Variants in NMNAT3 observed in about 807,000 individuals in gnomAD.
NMNAT3 encodes nicotinamide nucleotide adenylyltransferase 3.
A neutral mutation model predicts 24.8 loss-of-function variants in NMNAT3; 21 were observed. The ratio of observed to expected loss-of-function variants is 0.85; its 90% CI spans 0.60 to 1.22. The LOEUF (loss-of-function observed/expected upper bound fraction) is 1.22, where lower values mean the gene tolerates loss of function less well. NMNAT3 is among the 50% of genes most tolerant of loss of function. The pLI is 0.00. For missense variants in NMNAT3, 387 were observed against 436.6 expected (o/e 0.89, Z 1.01); for synonymous variants, 136 against 155.2 (o/e 0.88, Z 0.92).
At chr3:139,632,174 A>G (rs1311848131) in intron 2 of NMNAT3, among the ~76,000 whole-genome samples, 1 of 152,060 alleles carries the variant, frequency 6.6e-6, no homozygotes, top group Admixed American at 6.6e-5. Flanking sequence ...TCTATCCCTG[A>G]CCAAGTATTT....
At chr3:139,629,915 G>C (rs141454614) in intron 2 of NMNAT3, among the ~76,000 whole-genome samples, 1 of 152,086 alleles carries the variant, frequency 6.6e-6, no homozygotes, top group Admixed American at 6.5e-5. Context: ...TCAATTACCT[G>C]CTAGGTACCT....
At chr3:139,583,842 G>A (rs544494802) in intron 3 of NMNAT3, among the ~76,000 whole-genome samples, 99 of 152,352 alleles carry the variant, frequency 6.5e-4, no homozygotes, top group African/African-American at 2.2e-3. Context: ...GCCCAAGCCC[G>A]AGCCACGCGA....
intron 3 of NMNAT3, among the ~76,000 whole-genome samples, chr3:139,626,773 G>T (rs1202302873): frequency 1.3e-5 from 2 of 151,850 alleles, no homozygotes; most frequent in Admixed American, 6.6e-5. Flanking sequence ...TAATACTTGT[G>T]CATTATTTCT....
chr3:139,612,167 CAAAAAAAAAA>C (rs11406804), intron 3 of NMNAT3, among the ~76,000 whole-genome samples: 24 of 128,168 alleles, frequency 1.9e-4, no homozygotes, highest in African/African-American at 7.4e-4. Context: ...AACTCCGTCT[CAAAAAAAAAA>C]AAAAAATGCA....
chr3:139,667,839 G>A (rs1317252319), intron 1 of NMNAT3, among the ~76,000 whole-genome samples: 3 of 152,086 alleles, frequency 2.0e-5, no homozygotes, highest in Non-Finnish European at 4.4e-5. Flanking sequence ...ATCTGAGAGG[G>A]GCAAGTATTT....
chr3:139,674,529 CAT>C (rs2057862468), intron 1 of NMNAT3, among the ~76,000 whole-genome samples: 1 of 152,194 alleles, frequency 6.6e-6, no homozygotes, highest in Non-Finnish European at 1.5e-5. Context: ...AGTGGTTTAA[CAT>C]AGATGTATGG....
chr3:139,599,742 G>C (rs141604790), intron 3 of NMNAT3, among the ~76,000 whole-genome samples: 7 of 152,128 alleles, frequency 4.6e-5, no homozygotes, highest in African/African-American at 1.7e-4. Flanking sequence ...TTAATGTTTT[G>C]CATCTTTTTT....
intron 1 of NMNAT3, among the ~76,000 whole-genome samples, chr3:139,659,600 G>C (rs930837610): frequency 8.5e-5 from 13 of 152,184 alleles, no homozygotes; most frequent in African/African-American, 2.9e-4. Flanking sequence ...AAACATATAG[G>C]GGGGAGTAAA....
Position 139,669,709 on chromosome 3 carries a change from G to C in NMNAT3, c.-141+7996C>G, listed in dbSNP as rs2057699295. Reference sequence around the variant, plus strand: ...TACAGAAATTTTCTGCCATCCTCTTGTATTAGTGAGTACAGCAAGTAAATC... The same window carrying C: ...TACAGAAATTTTCTGCCATCCTCTTCTATTAGTGAGTACAGCAAGTAAATC... On this transcript the variant is annotated intron_variant, in intron 1 of 6. Coordinates refer to ENST00000643695, the MANE Select transcript of NMNAT3 (RefSeq NM_001320510.2). Among the ~76,000 whole-genome samples, 6 of 152,222 alleles carry C rather than the reference G, an allele frequency of 3.9e-5. No homozygotes were observed. The South Asian group carries it at 1.2e-3, about 32-fold the overall frequency.
intron 1 of NMNAT3, among the ~76,000 whole-genome samples, chr3:139,646,851 G>C (rs923912743): frequency 6.6e-6 from 1 of 152,200 alleles, no homozygotes; most frequent in African/African-American, 2.4e-5. Context: ...TTTGAAGCAG[G>C]AGACATAATG....
At chr3:139,613,192 C>G (rs1035715463) in intron 3 of NMNAT3, among the ~76,000 whole-genome samples, 1 of 152,108 alleles carries the variant, frequency 6.6e-6, no homozygotes, top group South Asian at 2.1e-4. Context: ...TCAGAGTGAA[C>G]GGGCAACCTA....
intron 1 of NMNAT3, among the ~76,000 whole-genome samples, chr3:139,655,682 A>G (rs1375621714): frequency 6.6e-6 from 1 of 152,266 alleles, no homozygotes; most frequent in Non-Finnish European, 1.5e-5. Context: ...GGAGGGAAGT[A>G]GTAAGCACTG....
At chr3:139,656,674 C>G (rs1314970245) in intron 1 of NMNAT3, among the ~76,000 whole-genome samples, 1 of 152,068 alleles carries the variant, frequency 6.6e-6, no homozygotes, top group East Asian at 1.9e-4. Flanking sequence ...TGCTTGTAGT[C>G]CCAGCTAGTT....
At chr3:139,619,787 A>G (rs74458512) in intron 3 of NMNAT3, among the ~76,000 whole-genome samples, 14,276 of 152,270 alleles carry the variant, frequency 0.094, 876 homozygotes, top group Non-Finnish European at 0.14. Context: ...TATACCCTCA[A>G]AATAACTTTA....
At chr3:139,653,839 T>C (rs1011161615) in intron 1 of NMNAT3, among the ~76,000 whole-genome samples, 7 of 152,208 alleles carry the variant, frequency 4.6e-5, no homozygotes, top group African/African-American at 9.6e-5. Context: ...AACTCGAACC[T>C]GGGGCGTGGC....
chr3:139,646,922 C>T (rs1230073136), intron 1 of NMNAT3, among the ~76,000 whole-genome samples: 3 of 152,232 alleles, frequency 2.0e-5, no homozygotes, highest in Non-Finnish European at 4.4e-5. Context: ...AATGCCTAAG[C>T]AGTGTGCACT....
intron 1 of NMNAT3, among the ~76,000 whole-genome samples, chr3:139,667,490 A>G (rs989100712): frequency 2.0e-5 from 3 of 152,140 alleles, no homozygotes; most frequent in Non-Finnish European, 4.4e-5. Context: ...TGAGTTCTTC[A>G]TATAGGCTTG....
At chr3:139,568,211 G>A (rs964223872) in intron 6 of NMNAT3, 137 of 151,984 alleles carry the variant, frequency 9.0e-4, no homozygotes, top group African/African-American at 2.4e-3. Flanking sequence ...TTTTTATTGC[G>A]TCTATTTGAT....
intron 3 of NMNAT3, chr3:139,583,238 G>A: frequency 4.2e-6 from 5 of 1,198,560 alleles, no homozygotes; most frequent in Non-Finnish European, 6.2e-6. Context: ...GTAAATGTTT[G>A]CAAATTCAGG....
Sources: allele counts gnomAD v4.1 joint callset (sites outside exome capture counted in the v4.1 genomes callset), GRCh38; gene constraint gnomAD v4.1.1; transcripts MANE v1.5; gene names NCBI Gene and HGNC (gene_info 2026-07-23, HGNC 2026-07-21).